SDK1: variants seen among roughly 807,000 people sequenced by gnomAD.
The protein encoded by SDK1 is protein sidekick-1.
In SDK1, 157 loss-of-function variants were observed where a neutral mutation model predicts 245.5. The observed-to-expected ratio is 0.64, with a 90% CI of 0.56 to 0.73. The LOEUF is 0.73. SDK1 is among the 30% of genes least tolerant of loss of function. The pLI, the probability that SDK1 is intolerant of heterozygous loss-of-function variation, is 0.00. For synonymous variants in SDK1, 1,647 were observed against 1,278.5 expected, an observed-to-expected ratio of 1.29 and a Z score of -6.15; for missense variants, 3,583 against 3,002.3, an observed-to-expected ratio of 1.19 and a Z score of -4.52.
intron 1 of SDK1, among the ~76,000 whole-genome samples, chr7:3,334,925 T>G (rs1432069428): frequency 1.2e-4 from 19 of 152,218 alleles, no homozygotes; most frequent in Non-Finnish European, 2.9e-5. Flanking sequence ...TTTTAATAAG[T>G]GGCTTTATCA....
chr7:4,268,348 G>A lies in SDK1; in HGVS notation c.*2964G>A, dbSNP rs1363067350. 1.9e-6 allele frequency: 2 copies of A among 1,048,770 alleles called. No individual in the cohort carries two copies. The highest frequency in any genetic ancestry group is 2.3e-6 in the Non-Finnish European group (2 of 866,198). 65.0% of individuals were successfully genotyped at this position (1,048,770 alleles called of 1,614,324 possible). On this transcript the variant is annotated 3_prime_UTR_variant, in exon 45 of 45. Transcript: ENST00000404826. ...AGGTGAGCCCAGAGAGAGCTGCCAG[G>A]CCACACCCCCTCGGCCTCCTGCACG...
rs576037641 is a variant in SDK1, at chr7:3,960,517, C to T, written c.1234+1503C>T. ...CCCTTCCAGTGCTGTGCCACCCTTC[C>T]GGTGCAGCGGCGTGTCACCCTTCCA... On this transcript the variant is annotated intron_variant, in intron 8 of 44. Coordinates refer to ENST00000404826, the MANE Select transcript of SDK1 (RefSeq NM_152744.4). Among the ~76,000 whole-genome samples, 256 of 152,290 alleles carry T rather than the reference C, an allele frequency of 1.7e-3. 1 individual carries two copies. Among genetic ancestry groups the T allele is most frequent in the African/African-American group, 6.0e-3 (248 of 41,560 alleles).
chr7:4,185,127 A>G (rs1782809756), intron 35 of SDK1, among the ~76,000 whole-genome samples: 5 of 152,196 alleles, frequency 3.3e-5, no homozygotes, highest in Admixed American at 3.3e-4. Flanking sequence ...GAGGGTCCCT[A>G]GAGGAGATCC....
intron 35 of SDK1, among the ~76,000 whole-genome samples, chr7:4,184,089 TAAC>T (rs1782745558): frequency 6.6e-6 from 1 of 152,236 alleles, no homozygotes; most frequent in Non-Finnish European, 1.5e-5. Context: ...ACCTGCATTG[TAAC>T]AACCCTAATC....
intron 14 of SDK1, among the ~76,000 whole-genome samples, chr7:4,003,116 G>A (rs1289230221): frequency 2.0e-5 from 3 of 152,246 alleles, no homozygotes; most frequent in Non-Finnish European, 2.9e-5. Flanking sequence ...TTTAACCCCA[G>A]CTCTCTGACA....
chr7:3,426,658 T>C (rs574821247), intron 1 of SDK1, among the ~76,000 whole-genome samples: 5 of 152,222 alleles, frequency 3.3e-5, no homozygotes, highest in Non-Finnish European at 7.3e-5. Flanking sequence ...CCACCTTTGG[T>C]CAATTCTGCA....
chr7:3,460,754 A>C (rs1236333654), intron 1 of SDK1, among the ~76,000 whole-genome samples: 1 of 152,206 alleles, frequency 6.6e-6, no homozygotes, highest in Non-Finnish European at 1.5e-5. Flanking sequence ...TGGGGCTAAA[A>C]ACAGCCAGCC....
At chr7:3,781,856 A>G (rs976958121) in intron 4 of SDK1, among the ~76,000 whole-genome samples, 1 of 152,210 alleles carries the variant, frequency 6.6e-6, no homozygotes, top group African/African-American at 2.4e-5. Flanking sequence ...AACATTTGAA[A>G]TAATCCAGAA....
chr7:3,870,699 A>G (rs1780934600), intron 5 of SDK1, among the ~76,000 whole-genome samples: 1 of 152,212 alleles, frequency 6.6e-6, no homozygotes, highest in African/African-American at 2.4e-5. Context: ...TAACCATAAT[A>G]AATTTATCAA....
At chr7:4,040,371 G>A (rs1449812742) in intron 17 of SDK1, among the ~76,000 whole-genome samples, 1 of 152,126 alleles carries the variant, frequency 6.6e-6, no homozygotes, top group Non-Finnish European at 1.5e-5. Flanking sequence ...CGTGGCAACT[G>A]AAAAACAACT....
At chr7:3,500,232 C>T (rs1205210279) in intron 1 of SDK1, among the ~76,000 whole-genome samples, 1 of 152,126 alleles carries the variant, frequency 6.6e-6, no homozygotes, top group East Asian at 1.9e-4. Context: ...TTGAGGATTC[C>T]ATTTGCTTCT....
intron 5 of SDK1, among the ~76,000 whole-genome samples, chr7:3,906,293 T>G (rs1217779359): frequency 1.3e-5 from 2 of 152,244 alleles, no homozygotes; most frequent in East Asian, 3.8e-4. Context: ...TAACTTATTT[T>G]GTAGTGTCTC....
chr7:3,748,278 G>A (rs908023848), intron 4 of SDK1, among the ~76,000 whole-genome samples: 1 of 152,116 alleles, frequency 6.6e-6, no homozygotes, highest in Non-Finnish European at 1.5e-5. Flanking sequence ...CAGGATAGAG[G>A]CTGCTTTTTT....
rs191676161 is a variant in SDK1, at chr7:3,783,092, T to G, written c.714-38358T>G. On this transcript the variant is annotated intron_variant, in intron 4 of 44. Transcript: ENST00000404826. Reference sequence around the variant, plus strand: ...TACACAAATCAATAAATGTGATATATCACATTAATGGAATGAAGGACAAAA... The same window carrying G: ...TACACAAATCAATAAATGTGATATAGCACATTAATGGAATGAAGGACAAAA... 7.6e-3 allele frequency among the ~76,000 whole-genome samples: 1,157 copies of G among 152,292 alleles called. 10 individuals carry two copies. Among genetic ancestry groups the G allele is most frequent in the Non-Finnish European group, 0.014 (928 of 68,030 alleles).
At chr7:3,352,364 G>T (rs1242767520) in intron 1 of SDK1, among the ~76,000 whole-genome samples, 2 of 152,074 alleles carry the variant, frequency 1.3e-5, no homozygotes, top group African/African-American at 4.8e-5. Context: ...GTGGGATTAG[G>T]AAAGTAATTG....
Position 3,329,140 on chromosome 7 carries a change from A to G in SDK1, c.298+27256A>G, listed in dbSNP as rs537935155. Among the ~76,000 whole-genome samples the G allele has an allele frequency of 2.0e-5, 3 of 152,192 alleles. No homozygotes were observed. In the South Asian group the frequency reaches 6.2e-4, roughly 32 times the overall value. ...TTAATTTATATTTTGTTAATGACAA[A>G]TTAAATTTGAAGAAAAGGTTATATA... On this transcript the variant is annotated intron_variant, in intron 1 of 44. Transcript: ENST00000404826.
chr7:3,645,575 CTATG>C (rs1188287194), intron 4 of SDK1, among the ~76,000 whole-genome samples: 1 of 152,104 alleles, frequency 6.6e-6, no homozygotes, highest in East Asian at 1.9e-4. Context: ...TACCCTGAAA[CTATG>C]TACATCTATT....
At chr7:4,175,679 A>G in intron 33 of SDK1, 96 bp from the exon 34 acceptor site, 1 of 1,023,444 alleles carries the variant, frequency 9.8e-7, no homozygotes, top group South Asian at 1.3e-5. Flanking sequence ...CTGGCATCCC[A>G]GTAAGGCACC....
At chr7:3,630,222 C>G (rs571004079) in intron 2 of SDK1, among the ~76,000 whole-genome samples, 39 of 152,028 alleles carry the variant, frequency 2.6e-4, no homozygotes, top group Non-Finnish European at 5.3e-4. Context: ...ATAATTTTTT[C>G]AAATTTGCAA....
Sources: allele counts gnomAD v4.1 joint callset (sites outside exome capture counted in the v4.1 genomes callset), GRCh38; gene constraint gnomAD v4.1.1; transcripts MANE v1.5; gene names NCBI Gene and HGNC (gene_info 2026-07-23, HGNC 2026-07-21).